DNAJC3: variants seen among roughly 807,000 people sequenced by gnomAD.
The protein encoded by DNAJC3 is dnaJ homolog subfamily C member 3.
A neutral mutation model predicts 68.6 loss-of-function variants in DNAJC3; 38 were observed. That is an observed-to-expected ratio of 0.55 (90% confidence interval 0.43 to 0.73). The LOEUF is 0.73. DNAJC3 is among the 30% of genes least tolerant of loss of function. DNAJC3 has a pLI of 0.00. For synonymous variants in DNAJC3, 203 were observed against 204.0 expected, an observed-to-expected ratio of 1.00 and a Z score of 0.04; for missense variants, 526 against 591.9, an observed-to-expected ratio of 0.89 and a Z score of 1.16.
chr13:95,756,611 G>A (rs527321906), intron 4 of DNAJC3, among the ~76,000 whole-genome samples: 1 of 152,270 alleles, frequency 6.6e-6, no homozygotes, highest in East Asian at 1.9e-4. Context: ...CTGAAAGGAG[G>A]AATATGATTG....
intron 4 of DNAJC3, among the ~76,000 whole-genome samples, chr13:95,731,730 G>GGT (rs1214566094): frequency 2.0e-5 from 3 of 151,942 alleles, no homozygotes; most frequent in Non-Finnish European, 4.4e-5. Context: ...GGAGTGCAGT[G>GGT]GTGCGGACAT....
intron 1 of DNAJC3, among the ~76,000 whole-genome samples, chr13:95,691,153 C>A (rs1183907774): frequency 1.9e-4 from 28 of 150,720 alleles, no homozygotes; most frequent in South Asian, 8.4e-4. Flanking sequence ...GCTGACCCCC[C>A]CACCTCCCTC....
At chr13:95,722,156 C>T (rs527529360) in intron 2 of DNAJC3, among the ~76,000 whole-genome samples, 2 of 152,282 alleles carry the variant, frequency 1.3e-5, no homozygotes, top group South Asian at 4.1e-4. Context: ...TTCTGTACTT[C>T]GTAGGTGCTG....
chr13:95,787,252 AGTG>A (rs1005882198), intron 11 of DNAJC3, 97 bp downstream of exon 11: 1 of 1,471,068 alleles, frequency 6.8e-7, no homozygotes, highest in African/African-American at 1.4e-5. Flanking sequence ...CTGTATAGGC[AGTG>A]ACGGGTCCTG....
intron 1 of DNAJC3, among the ~76,000 whole-genome samples, chr13:95,702,431 T>G (rs1462792997): frequency 6.6e-6 from 1 of 152,206 alleles, no homozygotes; most frequent in African/African-American, 2.4e-5. Context: ...CAACTTTATT[T>G]TTGCTATGGT....
intron 9 of DNAJC3, among the ~76,000 whole-genome samples, chr13:95,764,226 T>C (rs1882905180): frequency 1.3e-5 from 2 of 152,088 alleles, no homozygotes; most frequent in South Asian, 4.1e-4. Flanking sequence ...AATAACAAAA[T>C]AGAAAATTTA....
At chr13:95,749,088 C>A (rs774099636) in intron 4 of DNAJC3, among the ~76,000 whole-genome samples, 11 of 152,236 alleles carry the variant, frequency 7.2e-5, no homozygotes, top group Non-Finnish European at 1.5e-4. Context: ...ATAAATGCTG[C>A]CAATTAAAGC....
intron 2 of DNAJC3, among the ~76,000 whole-genome samples, chr13:95,711,213 T>C (rs1478156440): frequency 6.6e-6 from 1 of 152,206 alleles, no homozygotes; most frequent in Non-Finnish European, 1.5e-5. Context: ...AAAACTCTAT[T>C]CAAGGCTGGG....
At chr13:95,782,515 A>G (rs1321016364) in intron 9 of DNAJC3, among the ~76,000 whole-genome samples, 1 of 152,178 alleles carries the variant, frequency 6.6e-6, no homozygotes, top group East Asian at 1.9e-4. Flanking sequence ...GTCAGATAGT[A>G]CCTCATTGTG....
intron 9 of DNAJC3, among the ~76,000 whole-genome samples, chr13:95,785,452 CTTTTTTTTTTT>C (rs36052714): frequency 2.6e-5 from 2 of 77,926 alleles, no homozygotes; most frequent in Non-Finnish European, 4.5e-5. Context: ...CCTTTTAAAC[CTTTTTTTTTTT>C]TTTTTTTTTT....
At chr13:95,771,771 C>T (rs1883164754) in intron 9 of DNAJC3, among the ~76,000 whole-genome samples, 2 of 152,108 alleles carry the variant, frequency 1.3e-5, no homozygotes, top group Non-Finnish European at 2.9e-5. Flanking sequence ...ATCCTCTTGT[C>T]TCTTACCAAT....
chr13:95,702,341 C>T lies in DNAJC3; in HGVS notation c.83-6886C>T, dbSNP rs553852297. Among the ~76,000 whole-genome samples the T allele has an allele frequency of 3.9e-5, 6 of 152,318 alleles. No individual in the cohort carries two copies. The Middle Eastern group carries it at 0.014, about 345-fold the overall frequency. ...ACCCCAAAGAGCTTAGCATCATGCTCACCATAAAGGAGAAATGCGTTGGCT... is the reference window on the plus strand; with the variant it reads ...ACCCCAAAGAGCTTAGCATCATGCTTACCATAAAGGAGAAATGCGTTGGCT... On this transcript the variant is annotated intron_variant, in intron 1 of 11. Coordinates refer to ENST00000602402, the MANE Select transcript of DNAJC3 (RefSeq NM_006260.5).
intron 9 of DNAJC3, among the ~76,000 whole-genome samples, chr13:95,764,950 G>A (rs1882951497): frequency 6.6e-6 from 1 of 151,664 alleles, no homozygotes; most frequent in Admixed American, 6.6e-5. Context: ...GGTTCGAATG[G>A]TAAAATTTGG....
At chr13:95,766,824 C>T (rs1037067176) in intron 9 of DNAJC3, among the ~76,000 whole-genome samples, 1 of 152,036 alleles carries the variant, frequency 6.6e-6, no homozygotes, top group African/African-American at 2.4e-5. Flanking sequence ...CCTCAGCCTC[C>T]TGAGTAGCTG....
At chr13:95,690,974 C>A (rs1391747745) in intron 1 of DNAJC3, among the ~76,000 whole-genome samples, 1 of 138,614 alleles carries the variant, frequency 7.2e-6, no homozygotes, top group Non-Finnish European at 1.6e-5. Flanking sequence ...GGGGCTGACA[C>A]CCCCACCTCC....
intron 1 of DNAJC3, among the ~76,000 whole-genome samples, chr13:95,702,775 A>G (rs1880618815): frequency 6.6e-6 from 1 of 152,218 alleles, no homozygotes; most frequent in Non-Finnish European, 1.5e-5. Context: ...CCTGAATAGA[A>G]GAACTGAGAC....
intron 1 of DNAJC3, among the ~76,000 whole-genome samples, chr13:95,703,333 G>A (rs1003151020): frequency 6.6e-6 from 1 of 152,166 alleles, no homozygotes; most frequent in African/African-American, 2.4e-5. Flanking sequence ...CATGAGCATA[G>A]GAACACCTGA....
intron 11 of DNAJC3, 71 bp from the exon 12 acceptor site, chr13:95,790,802 C>CA: frequency 6.6e-7 from 1 of 1,524,354 alleles, no homozygotes; most frequent in Non-Finnish European, 8.8e-7. Context: ...CTCCTCTGCC[C>CA]AAAGAAAACA....
chr13:95,723,387 T>G (rs1881406391), intron 3 of DNAJC3, 21 bp downstream of exon 3: 1 of 1,601,290 alleles, frequency 6.2e-7, no homozygotes, highest in Non-Finnish European at 8.5e-7. Flanking sequence ...CTCAACTTTC[T>G]TTAAAGGGGA....
Sources: allele counts gnomAD v4.1 joint callset (sites outside exome capture counted in the v4.1 genomes callset), GRCh38; gene constraint gnomAD v4.1.1; transcripts MANE v1.5; gene names NCBI Gene and HGNC (gene_info 2026-07-23, HGNC 2026-07-21).